TRERF1: variants seen among roughly 807,000 people sequenced by gnomAD.
TRERF1 encodes the protein transcriptional regulating factor 1.
In TRERF1, 27 loss-of-function variants were observed where a neutral mutation model predicts 122.9. The ratio of observed to expected loss-of-function variants is 0.22; its 90% CI spans 0.16 to 0.30. The LOEUF (loss-of-function observed/expected upper bound fraction) is 0.30, where lower values mean the gene tolerates loss of function less well. TRERF1 is among the 10% of genes least tolerant of loss of function. The pLI, the probability that TRERF1 is intolerant of heterozygous loss-of-function variation, is 1.00. For synonymous variants in TRERF1, 636 were observed against 641.7 expected (o/e 0.99, Z 0.13); for missense variants, 1,248 against 1,560.3 (o/e 0.80, Z 3.37).
Position 42,379,135 on chromosome 6 carries a change from T to A in TRERF1, c.-453-16056A>T, listed in dbSNP as rs7752684. On this transcript the variant is annotated intron_variant, in intron 2 of 17. Coordinates refer to ENST00000372922, the Ensembl canonical transcript of TRERF1. ...GGCTTGTCTCAAAAAAAAATTTTTT[T>A]AATATATTTTGTGTGTACCACCCCC... Among the ~76,000 whole-genome samples, 1,232 of 151,908 alleles carry A rather than the reference T, an allele frequency of 8.1e-3. 35 individuals are homozygous for A. In the East Asian group the frequency reaches 0.11, roughly 13 times the overall value.
At chr6:42,299,489 T>C (rs1582898090) in intron 4 of TRERF1, among the ~76,000 whole-genome samples, 1 of 152,214 alleles carries the variant, frequency 6.6e-6, no homozygotes, top group African/African-American at 2.4e-5. Flanking sequence ...AATTTCAGCA[T>C]TGCAAGGAGC....
intron 3 of TRERF1, among the ~76,000 whole-genome samples, chr6:42,337,075 C>G (rs781432537): frequency 3.3e-5 from 5 of 152,290 alleles, no homozygotes; most frequent in Middle Eastern, 3.4e-3. Flanking sequence ...CAGAGAGACT[C>G]TGGTCACTGA....
chr6:42,414,119 A>G (rs1417801699), intron 2 of TRERF1, among the ~76,000 whole-genome samples: 2 of 152,228 alleles, frequency 1.3e-5, no homozygotes, highest in Non-Finnish European at 2.9e-5. Flanking sequence ...AAAAATTTAC[A>G]AGACACCCAA....
intron 3 of TRERF1, among the ~76,000 whole-genome samples, chr6:42,351,162 T>C (rs1320852499): frequency 6.6e-6 from 1 of 152,224 alleles, no homozygotes; most frequent in African/African-American, 2.4e-5. Context: ...AAGGATGCCC[T>C]GAAATAGAAA....
chr6:42,247,395 G>A (rs1284599239), intron 13 of TRERF1, among the ~76,000 whole-genome samples: 1 of 152,206 alleles, frequency 6.6e-6, no homozygotes, highest in African/African-American at 2.4e-5. Flanking sequence ...AAGTACTTCA[G>A]TTATTCATCA....
intron 2 of TRERF1, among the ~76,000 whole-genome samples, chr6:42,370,585 A>G (rs565868544): frequency 5.3e-5 from 8 of 152,284 alleles, no homozygotes; most frequent in African/African-American, 1.7e-4. Flanking sequence ...CGAAACCTAC[A>G]TAGTTTAAAA....
chr6:42,436,561 C>CACCCAGGCCTATTGTTATTT (rs1310416584), intron 2 of TRERF1, among the ~76,000 whole-genome samples: 3 of 151,816 alleles, frequency 2.0e-5, no homozygotes, highest in African/African-American at 7.3e-5. Flanking sequence ...CATTTCATTT[C>CACCCAGGCCTATTGTTATTT]ACCCAGGCCT....
At chr6:42,295,921 C>T (rs1013732863) in intron 4 of TRERF1, among the ~76,000 whole-genome samples, 1 of 152,100 alleles carries the variant, frequency 6.6e-6, no homozygotes, top group African/African-American at 2.4e-5. Flanking sequence ...AATATAAAGC[C>T]ATTTATTACA....
intron 2 of TRERF1, among the ~76,000 whole-genome samples, chr6:42,383,883 G>C (rs1223515590): frequency 6.6e-6 from 1 of 151,990 alleles, no homozygotes; most frequent in Non-Finnish European, 1.5e-5. Context: ...ACTCATAAAA[G>C]AAATACAAAT....
chr6:42,233,506 C>T (rs571287125), intron 16 of TRERF1, among the ~76,000 whole-genome samples: 66 of 151,998 alleles, frequency 4.3e-4, no homozygotes, highest in Non-Finnish European at 6.6e-4. Flanking sequence ...AGGATGGTCT[C>T]GATCTCCTGA....
rs1582451614 is a variant in TRERF1 at position 42,236,306 on chromosome 6, G to C, written c.2965C>G (p.Pro989Ala). 1.2e-5 allele frequency: 19 copies of C among 1,608,534 alleles called. No homozygotes were observed. Among genetic ancestry groups the C allele is most frequent in the Non-Finnish European group, 1.6e-5 (19 of 1,177,584 alleles). Residue 989 changes from proline (P) to alanine (A), a missense_variant, in exon 16 of 18, where the codon CCA becomes GCA. Physicochemically the swap from Pro to Ala is conservative, Grantham distance 27. This residue lies in a region of TRERF1 where 159 missense variants were observed against 221.7 expected (regional missense o/e 0.72). Coordinates refer to ENST00000372922, the Ensembl canonical transcript of TRERF1. ...GGAGCCAGGACGGGGACGGGTGGTG[G>C]CTCCGGGGACTTCGGCACCTCACTC...
intron 3 of TRERF1, among the ~76,000 whole-genome samples, chr6:42,327,938 T>C (rs1764573496): frequency 6.6e-6 from 1 of 151,784 alleles, no homozygotes; most frequent in Non-Finnish European, 1.5e-5. Flanking sequence ...TTTGTAATTA[T>C]CACAATCCAC....
At chr6:42,375,251 T>C (rs1356546953) in intron 2 of TRERF1, among the ~76,000 whole-genome samples, 1 of 152,154 alleles carries the variant, frequency 6.6e-6, no homozygotes, top group Admixed American at 6.5e-5. Context: ...TTCATGAAGA[T>C]GCCTTCTGGC....
chr6:42,445,881 G>A (rs529708525), intron 2 of TRERF1, among the ~76,000 whole-genome samples: 6 of 151,994 alleles, frequency 3.9e-5, no homozygotes, highest in Admixed American at 1.3e-4. Flanking sequence ...AGGGGCTGTC[G>A]CTTCCCACTC....
intron 4 of TRERF1, among the ~76,000 whole-genome samples, chr6:42,270,271 T>C (rs183170860): frequency 6.6e-6 from 1 of 152,330 alleles, no homozygotes; most frequent in East Asian, 1.9e-4. Flanking sequence ...CACACCCTTT[T>C]CACTGAGTCT....
At chr6:42,317,789 A>G (rs566515824) in intron 3 of TRERF1, among the ~76,000 whole-genome samples, 1 of 152,288 alleles carries the variant, frequency 6.6e-6, no homozygotes, top group East Asian at 1.9e-4. Context: ...AAACTTTTTA[A>G]GATATAGTTG....
Position 42,268,058 on chromosome 6 carries a change from G to A in TRERF1, c.1437+96C>T. ...TTGTGGAATTAGTAAAGAACAAAAG[G>A]GTTGAGGGGGCTTGGAGAGAGGATT... On this transcript the variant is annotated intron_variant, in intron 5 of 17. Transcript: ENST00000372922. This position sits in a 1 kb window ranked among gnomAD's most constrained non-coding sequence, Gnocchi z 4.4. 1 of 1,324,364 alleles carries A rather than the reference G, an allele frequency of 7.6e-7. No homozygotes were observed. The highest frequency in any genetic ancestry group is 9.8e-7 in the Non-Finnish European group (1 of 1,020,572). The allele number at this position is 1,324,364 out of a possible 1,614,324, so 82.0% of individuals were successfully genotyped here.
chr6:42,434,575 GGGGAAAAAAATCTCCCAAAT>G (rs1220144126), intron 2 of TRERF1, among the ~76,000 whole-genome samples: 1 of 144,606 alleles, frequency 6.9e-6, no homozygotes, highest in Non-Finnish European at 1.5e-5. Flanking sequence ...TTTTTTTCCA[GGGGAAAAAAATCTCCCAAAT>G]ATGAAGGTGA....
At chr6:42,379,185 C>T (rs910389818) in intron 2 of TRERF1, among the ~76,000 whole-genome samples, 3 of 151,964 alleles carry the variant, frequency 2.0e-5, no homozygotes, top group Non-Finnish European at 4.4e-5. Context: ...GGGTCCTCAG[C>T]TCATCTTCTA....
Sources: gnomAD v4.1 joint callset for allele counts (sites outside exome capture counted in the v4.1 genomes callset) on GRCh38, gnomAD v4.1.1 for gene constraint, gnomAD v4.1.1 regional missense constraint, Gnocchi (gnomAD v3.1) non-coding constraint, MANE v1.5 for transcripts, NCBI Gene and HGNC (gene_info 2026-07-23, HGNC 2026-07-21) for gene names.